GTF3C1: variants seen among roughly 807,000 people sequenced by gnomAD.
GTF3C1 encodes general transcription factor 3C polypeptide 1.
A neutral mutation model predicts 226.7 loss-of-function variants in GTF3C1; 57 were observed. That is an observed-to-expected ratio of 0.25 (90% confidence interval 0.20 to 0.31). GTF3C1 has a LOEUF of 0.31. Ranked by LOEUF, GTF3C1 falls within the 10% of genes least tolerant of loss-of-function variation. GTF3C1 has a pLI of 1.00. For missense variants in GTF3C1, 2,217 were observed against 2,776.1 expected, an observed-to-expected ratio of 0.80 and a Z score of 4.53; for synonymous variants, 1,090 against 1,084.8, an observed-to-expected ratio of 1.00 and a Z score of -0.09.
intron 2 of GTF3C1, among the ~76,000 whole-genome samples, chr16:27,540,535 C>T (rs1403858806): frequency 6.6e-6 from 1 of 152,172 alleles, no homozygotes; most frequent in East Asian, 1.9e-4. Flanking sequence ...TTCAATAACT[C>T]CGGCTAGTTT....
intron 15 of GTF3C1, 138 bp downstream of exon 15, chr16:27,495,073 A>G: frequency 1.2e-6 from 1 of 865,658 alleles, no homozygotes; most frequent in Non-Finnish European, 1.8e-6. Flanking sequence ...CTGCAGGTTC[A>G]GGAAGTGTGG....
chr16:27,525,033 A>C (rs752077501), intron 6 of GTF3C1, among the ~76,000 whole-genome samples: 11 of 152,092 alleles, frequency 7.2e-5, no homozygotes, highest in Non-Finnish European at 1.2e-4. Flanking sequence ...GCACGCCTGT[A>C]ATCTCTACTT....
chr16:27,510,708 C>T (rs2088560221), intron 7 of GTF3C1, among the ~76,000 whole-genome samples: 1 of 152,204 alleles, frequency 6.6e-6, no homozygotes, highest in Non-Finnish European at 1.5e-5. Flanking sequence ...ACTTCACCTT[C>T]TGCTCTGTCC....
In GTF3C1 at chr16:27,483,235, A is replaced by G. The variant is rs539202163; in HGVS notation, c.4002-110T>C. 1.3e-3 allele frequency: 1,320 copies of G among 1,020,294 alleles called. 18 individuals carry two copies. The South Asian group carries it at 0.014, about 11-fold the overall frequency. 63.2% of individuals were successfully genotyped at this position (1,020,294 alleles called of 1,614,324 possible). ...TTCTGGCCTTGGCCGACCTTGAAGC[A>G]TGAGTTACTTATATGCCTGTTGCAC... On this transcript the variant is annotated intron_variant, in intron 25 of 36. Coordinates refer to ENST00000356183, the MANE Select transcript of GTF3C1 (RefSeq NM_001520.4).
chr16:27,495,461 C>A lies in GTF3C1; in HGVS notation c.2382G>T (p.Leu794=). The A allele has an allele frequency of 6.2e-7, 1 of 1,613,856 alleles. No homozygotes were observed. The highest frequency in any genetic ancestry group is 8.5e-7 in the Non-Finnish European group (1 of 1,179,922). ...VPGLGRSLGF[L]PKMPRLRVVH... is the part of the protein sequence containing the mutation. ...CCACCCGCAGGCGAGGCATTTTGGGCAGAAATCCTAGAGAACGCCCCAGTC... is the reference window on the plus strand; with the variant it reads ...CCACCCGCAGGCGAGGCATTTTGGGAAGAAATCCTAGAGAACGCCCCAGTC... The change falls in exon 15 of 37, where the codon CTG becomes CTT. Residue 794 remains leucine, a synonymous_variant. Coordinates refer to ENST00000356183, the MANE Select transcript of GTF3C1 (RefSeq NM_001520.4).
At chr16:27,529,581 G>A (rs1233370636) in intron 5 of GTF3C1, among the ~76,000 whole-genome samples, 3 of 152,158 alleles carry the variant, frequency 2.0e-5, no homozygotes, top group Non-Finnish European at 4.4e-5. Context: ...CCCCTGCAGG[G>A]GTGACCAACA....
intron 6 of GTF3C1, among the ~76,000 whole-genome samples, chr16:27,527,627 T>C (rs762189039): frequency 2.6e-5 from 4 of 152,210 alleles, no homozygotes; most frequent in Non-Finnish European, 5.9e-5. Context: ...ACATATAAAA[T>C]GGTGACAATG....
chr16:27,497,575 A>G, intron 14 of GTF3C1, 62 bp downstream of exon 14: 1 of 1,409,906 alleles, frequency 7.1e-7, no homozygotes, highest in Non-Finnish European at 9.9e-7. Context: ...AAGTGCCTCA[A>G]ACATTGTCAT....
chr16:27,473,906 G>C (rs1473769989), intron 29 of GTF3C1, among the ~76,000 whole-genome samples: 1 of 152,232 alleles, frequency 6.6e-6, no homozygotes, highest in Non-Finnish European at 1.5e-5. Flanking sequence ...CTCACTCCTT[G>C]TGACAAGCCT....
chr16:27,500,025 C>T (rs893726477), intron 12 of GTF3C1, among the ~76,000 whole-genome samples: 12 of 152,114 alleles, frequency 7.9e-5, no homozygotes, highest in Non-Finnish European at 1.5e-4. Context: ...TGTGGCCCCC[C>T]ATGCTTACCC....
At chr16:27,524,274 G>A (rs989095481) in intron 6 of GTF3C1, among the ~76,000 whole-genome samples, 2 of 152,232 alleles carry the variant, frequency 1.3e-5, no homozygotes, top group African/African-American at 4.8e-5. Context: ...TTATAGGGAA[G>A]GTGACAGTCA....
At chr16:27,520,459 C>A (rs144809035) in intron 6 of GTF3C1, among the ~76,000 whole-genome samples, 6 of 152,036 alleles carry the variant, frequency 3.9e-5, no homozygotes, top group African/African-American at 7.2e-5. Flanking sequence ...TACTTCCCCC[C>A]ACTCCAAGAC....
intron 27 of GTF3C1, among the ~76,000 whole-genome samples, chr16:27,480,447 T>C (rs780688263): frequency 3.3e-5 from 5 of 152,110 alleles, no homozygotes; most frequent in Non-Finnish European, 7.4e-5. Flanking sequence ...ACATTATCTG[T>C]TGAGTGAATG....
chr16:27,549,645 C>CCGCG, intron 1 of GTF3C1, 25 bp downstream of exon 1: 1 of 1,167,732 alleles, frequency 8.6e-7, no homozygotes, highest in African/African-American at 1.5e-5. Context: ...GCCCGCCCGC[C>CCGCG]CGCCAGGCCA....
intron 26 of GTF3C1, among the ~76,000 whole-genome samples, chr16:27,481,992 C>T (rs971481663): frequency 1.2e-4 from 18 of 152,178 alleles, no homozygotes; most frequent in African/African-American, 4.1e-4. Flanking sequence ...CTAGGATACA[C>T]CAGGACAGTT....
intron 29 of GTF3C1, among the ~76,000 whole-genome samples, chr16:27,473,420 T>C (rs762445161): frequency 6.6e-6 from 1 of 152,256 alleles, no homozygotes; most frequent in Non-Finnish European, 1.5e-5. Context: ...GTATCTAGCA[T>C]TTGCCATCCT....
At chr16:27,513,420 C>T (rs1185020243) in intron 6 of GTF3C1, among the ~76,000 whole-genome samples, 1 of 152,198 alleles carries the variant, frequency 6.6e-6, no homozygotes, top group Non-Finnish European at 1.5e-5. Flanking sequence ...CACCACTGCA[C>T]TCCAGCCTAG....
intron 19 of GTF3C1, among the ~76,000 whole-genome samples, chr16:27,489,981 G>C (rs1262956941): frequency 6.6e-6 from 1 of 152,228 alleles, no homozygotes; most frequent in African/African-American, 2.4e-5. Flanking sequence ...AAGGGTCTAT[G>C]CCAGGCTGAA....
rs1007768862 is a variant in GTF3C1, at chr16:27,508,475, G to A, written c.1242+65C>T. The A allele has an allele frequency of 9.2e-5, 115 of 1,253,990 alleles. 1 individual carries two copies. Among genetic ancestry groups the A allele is most frequent in the African/African-American group, 4.9e-4 (33 of 67,940 alleles). The allele number at this position is 1,253,990 out of a possible 1,614,324, so 77.7% of individuals were successfully genotyped here. A position where few individuals can be genotyped will look rare whatever the true frequency, so the allele number is the denominator to read the frequency against. ...ATCGAGTCTTCTGACTGAGATGCTC[G>A]TTCTCAAATACACTGCAAGCACCTC... is the stretch of plus-strand genomic sequence containing the variant. On this transcript the variant is annotated intron_variant, in intron 8 of 36. Coordinates refer to ENST00000356183, the MANE Select transcript of GTF3C1 (RefSeq NM_001520.4).
Sources: gnomAD v4.1 joint callset for allele counts (sites outside exome capture counted in the v4.1 genomes callset) on GRCh38, gnomAD v4.1.1 for gene constraint, MANE v1.5 for transcripts, NCBI Gene and HGNC (gene_info 2026-07-23, HGNC 2026-07-21) for gene names.